The following URB1 variants were observed in gnomAD, a reference collection of about 807,000 sequenced individuals.
URB1 encodes URB1 ribosome biogenesis factor.
Under a neutral mutation model 242.3 loss-of-function variants are expected in URB1, and 197 were observed. The ratio of observed to expected loss-of-function variants is 0.81; its 90% confidence interval spans 0.72 to 0.91. The LOEUF (loss-of-function observed/expected upper bound fraction) is 0.91, where lower values mean the gene tolerates loss of function less well. Ranked by LOEUF, URB1 falls within the 40% of genes least tolerant of loss-of-function variation. The pLI, the probability that URB1 is intolerant of heterozygous loss-of-function variation, is 0.00. For missense variants in URB1, 2,721 were observed against 2,860.5 expected (o/e 0.95, Z 1.11); for synonymous variants, 1,153 against 1,201.8 (o/e 0.96, Z 0.84).
chr21:32,353,207 G>A lies in URB1; in HGVS notation c.2417-301C>T, dbSNP rs762937951. On this transcript the variant is annotated intron_variant, in intron 18 of 38. Transcript: ENST00000382751. ...GGACTTGCTAGGTGCTCACCAATCC[G>A]TTTACTGTGCCTCGGCACACAAGCC... Among the ~76,000 whole-genome samples, 9 of 152,282 alleles carry A rather than the reference G, an allele frequency of 5.9e-5. No individual in the cohort carries two copies. The South Asian group carries it at 6.2e-4, about 11-fold the overall frequency.
chr21:32,389,488 C>T (rs1168177374), intron 1 of URB1, among the ~76,000 whole-genome samples: 3 of 152,148 alleles, frequency 2.0e-5, no homozygotes, highest in Non-Finnish European at 4.4e-5. Context: ...CAACTCTGGG[C>T]AACTCCAGCC....
Position 32,312,101 on chromosome 21 carries a change from G to A in URB1, c.*2817C>T. 2 of 1,581,450 alleles carry A rather than the reference G, an allele frequency of 1.3e-6. No homozygotes were observed. The highest frequency in any genetic ancestry group is 2.3e-5 in the South Asian group (2 of 88,460). Reference sequence around the variant, plus strand: ...GAGGCCATTTGCATGTAGCAGAAAGGGCACCTAGGTCAAGTGCAACTAGAG... The same window carrying A: ...GAGGCCATTTGCATGTAGCAGAAAGAGCACCTAGGTCAAGTGCAACTAGAG... On this transcript the variant is annotated 3_prime_UTR_variant, in exon 39 of 39. Coordinates refer to ENST00000382751, the MANE Select transcript of URB1 (RefSeq NM_014825.3).
intron 10 of URB1, among the ~76,000 whole-genome samples, chr21:32,364,300 C>T (rs1240501764): frequency 1.3e-5 from 2 of 152,038 alleles, no homozygotes; most frequent in Admixed American, 1.3e-4. Context: ...TGGCATCTCC[C>T]GGAGCTCAGG....
chr21:32,317,305 T>G (rs1016307390), intron 37 of URB1, among the ~76,000 whole-genome samples: 1 of 152,194 alleles, frequency 6.6e-6, no homozygotes, highest in Non-Finnish European at 1.5e-5. Flanking sequence ...CTGTCCTCTT[T>G]AAACACAGGG....
At chr21:32,368,780 G>C (rs1332627811) in intron 8 of URB1, among the ~76,000 whole-genome samples, 182 bp from the exon 9 acceptor site, 1 of 152,140 alleles carries the variant, frequency 6.6e-6, no homozygotes, top group African/African-American at 2.4e-5. Flanking sequence ...TCTCCACAGA[G>C]GGCTTCCCTC....
intron 36 of URB1, 100 bp from the exon 37 acceptor site, chr21:32,318,017 C>T: frequency 6.9e-7 from 1 of 1,443,266 alleles, no homozygotes; most frequent in Non-Finnish European, 9.3e-7. Flanking sequence ...CAGAGGTGCA[C>T]ACAGTCCCTC....
intron 5 of URB1, 76 bp from the exon 6 acceptor site, chr21:32,375,559 T>C (rs1395468419): frequency 4.7e-6 from 4 of 853,250 alleles, no homozygotes; most frequent in Non-Finnish European, 7.0e-6. Context: ...TATTACTGTT[T>C]AGGTGGTACA....
chr21:32,356,608 C>T (rs766464818), intron 15 of URB1, among the ~76,000 whole-genome samples: 17 of 152,334 alleles, frequency 1.1e-4, no homozygotes, highest in Non-Finnish European at 2.4e-4. Flanking sequence ...GAGCCAGTCA[C>T]ATCATATCAC....
intron 6 of URB1, 111 bp from the exon 7 acceptor site, chr21:32,373,883 C>T (rs977828380): frequency 1.8e-6 from 2 of 1,139,368 alleles, no homozygotes; most frequent in Admixed American, 7.1e-5. Flanking sequence ...AAAAATAATG[C>T]TTGCTAGTGG....
intron 27 of URB1, 76 bp from the exon 28 acceptor site, chr21:32,337,233 T>C: frequency 6.8e-7 from 1 of 1,467,380 alleles, no homozygotes; most frequent in Non-Finnish European, 9.3e-7. Context: ...CCTGCCCTCA[T>C]ACCCTCCCTG....
chr21:32,314,212 T>G lies in URB1; in HGVS notation c.*706A>C, dbSNP rs1025813315. The G allele has an allele frequency of 9.5e-5, 22 of 230,834 alleles. No homozygotes were observed. The East Asian group carries it at 1.6e-3, about 17-fold the overall frequency. The allele number at this position is 230,834 out of a possible 1,614,324, so 14.3% of individuals were successfully genotyped here. On this transcript the variant is annotated 3_prime_UTR_variant, in exon 39 of 39. Transcript: ENST00000382751. Reference sequence around the variant, plus strand: ...ATTTTTTTATTTTTTTGAGATGGAGTCTTGCTCTGTCACCTAGGCTGGAGC... The same window carrying G: ...ATTTTTTTATTTTTTTGAGATGGAGGCTTGCTCTGTCACCTAGGCTGGAGC...
At position 32,316,773 on chromosome 21, in the gene URB1, G is replaced by C. The variant is rs775017773; in HGVS notation, c.6327C>G (p.Ala2109=). 3 of 1,549,870 alleles carry C rather than the reference G, an allele frequency of 1.9e-6. No homozygotes were observed. The highest frequency in any genetic ancestry group is 2.6e-6 in the Non-Finnish European group (3 of 1,146,100). ...LAVSWVLRSV[A]EHPLSRAEAA... ...CCTCTGCCCTGCTGAGCGGGTGCTC[G>C]GCCACCGACCGCAGCACCCAACTGA... Residue 2109 remains alanine (A), a synonymous_variant, in exon 38 of 39, where the codon GCC becomes GCG. Coordinates refer to ENST00000382751, the MANE Select transcript of URB1 (RefSeq NM_014825.3).
intron 2 of URB1, 62 bp from the exon 3 acceptor site, chr21:32,384,526 T>A: frequency 2.0e-6 from 3 of 1,514,268 alleles, no homozygotes; most frequent in Non-Finnish European, 1.8e-6. Context: ...TGTACATATA[T>A]GCTCCTTTTG....
rs1469247266 is a variant in URB1 at position 32,347,004 on chromosome 21, C to T, written c.3820G>A (p.Val1274Met). Residue 1274 changes from valine (V) to methionine (M), a missense_variant, in exon 22 of 39, where the codon GTG becomes ATG. Physicochemically the swap from Val to Met is conservative, Grantham distance 21. Transcript: ENST00000382751. ...CTCCGTGTCCTGCACTGGAGGTACA[C>T]ATGGATGAGGGGAAGGAAGTCGTCC... is the stretch of plus-strand genomic sequence containing the variant. Reference protein sequence around the residue: ...DLDDFLPLIHVYLQCRTRSHF... With the variant: ...DLDDFLPLIHMYLQCRTRSHF... The T allele has an allele frequency of 1.1e-5, 17 of 1,544,312 alleles. No individual in the cohort carries two copies. Among genetic ancestry groups the T allele is most frequent in the Non-Finnish European group, 1.4e-5 (16 of 1,141,838 alleles).
chr21:32,364,156 A>C (rs2033319969), intron 10 of URB1, among the ~76,000 whole-genome samples: 2 of 152,182 alleles, frequency 1.3e-5, no homozygotes, highest in South Asian at 4.1e-4. Context: ...ACTTCCAGTC[A>C]GAATGACACC....
At chr21:32,380,809 T>C (rs578210160) in intron 4 of URB1, among the ~76,000 whole-genome samples, 1 of 152,342 alleles carries the variant, frequency 6.6e-6, no homozygotes, top group South Asian at 2.1e-4. Flanking sequence ...GTTCCTGTGC[T>C]TTTATTTTGT....
chr21:32,349,321 C>T lies in URB1; in HGVS notation c.2995G>A (p.Glu999Lys), dbSNP rs1457829334. The part of the protein sequence containing the change: ...FLDMESVASL[E>K]LANDQTLEEV... ...GGCGGTACCTGATCATTGGCCAACT[C>T]CAGCGAGGCCACGGACTCCATGTCC... is the stretch of plus-strand genomic sequence containing the variant. Residue 999 changes from glutamate to lysine, a missense_variant, in exon 21 of 39, where the codon GAG (glutamate) becomes AAG (lysine). Transcript: ENST00000382751. 1 of 1,545,680 alleles carries T rather than the reference C, an allele frequency of 6.5e-7. No individual in the cohort carries two copies. Among genetic ancestry groups the T allele is most frequent in the South Asian group, 1.2e-5 (1 of 83,138 alleles).
chr21:32,357,314 TAA>T (rs76266853), intron 15 of URB1, among the ~76,000 whole-genome samples: 20 of 79,306 alleles, frequency 2.5e-4, no homozygotes, highest in Admixed American at 4.2e-4. Flanking sequence ...ATGACCTACC[TAA>T]AAAAAAAAAA....
At chr21:32,346,906 A>T in intron 22 of URB1, 50 bp downstream of exon 22, 1 of 1,458,740 alleles carries the variant, frequency 6.9e-7, no homozygotes, top group Non-Finnish European at 9.1e-7. Flanking sequence ...TCACCTTCTT[A>T]GCCCGTGCAA....
Sources: gnomAD v4.1 joint callset for allele counts (sites outside exome capture counted in the v4.1 genomes callset) on GRCh38, gnomAD v4.1.1 for gene constraint, MANE v1.5 for transcripts, NCBI Gene and HGNC (gene_info 2026-07-23, HGNC 2026-07-21) for gene names.